Variants in SLC12A9 observed in about 807,000 individuals in gnomAD.
SLC12A9 encodes CCC-interacting protein 1.
In SLC12A9, 55 loss-of-function variants were observed where a neutral mutation model predicts 66.0. That is an observed-to-expected ratio of 0.83 (90% CI 0.67 to 1.04). SLC12A9 has a LOEUF of 1.04. Ranked by LOEUF, SLC12A9 falls within the 50% of genes least tolerant of loss-of-function variation. The pLI, the probability that SLC12A9 is intolerant of heterozygous loss-of-function variation, is 0.00. For synonymous variants in SLC12A9, 577 were observed against 569.0 expected (o/e 1.01, Z -0.20); for missense variants, 1,061 against 1,241.9 (o/e 0.85, Z 2.19).
chr7:100,828,989 ATTTTTTT>A (rs1310421012), intron 1 of SLC12A9, among the ~76,000 whole-genome samples: 1 of 142,618 alleles, frequency 7.0e-6, no homozygotes, highest in African/African-American at 2.6e-5. Flanking sequence ...GCGGGGACAG[ATTTTTTT>A]TTTTTTTTTG....
Position 100,839,323 on chromosome 7 carries a change from CA to C in SLC12A9, n.228+12288del, listed in dbSNP as rs112380979. On this transcript the variant is annotated intron_variant and non_coding_transcript_variant, in intron 1 of 1. Transcript: ENST00000461016. Reference sequence around the variant, plus strand: ...TGGGCGACAGAGTGAGACTCCGTCTCAAAAAAAAAAAAGACAGGAATTGCTC... The same window carrying C: ...TGGGCGACAGAGTGAGACTCCGTCTCAAAAAAAAAAAGACAGGAATTGCTC... Among the ~76,000 whole-genome samples, 149 of 139,776 alleles carry C rather than the reference CA, an allele frequency of 1.1e-3. 1 individual carries two copies. The highest frequency in any genetic ancestry group is 7.4e-4 in the Non-Finnish European group (47 of 63,738). 91.7% of individuals were successfully genotyped at this position (139,776 alleles called of 152,430 possible). A position where few individuals can be genotyped will look rare whatever the true frequency, so the allele number is the denominator to read the frequency against.
In SLC12A9 at chr7:100,854,342, C is replaced by A. The variant is rs1349694183; in HGVS notation, c.145C>A (p.Leu49Met). The A allele has an allele frequency of 6.2e-7, 1 of 1,613,394 alleles. No homozygotes were observed. Among genetic ancestry groups the A allele is most frequent in the African/African-American group, 1.3e-5 (1 of 74,844 alleles). ...TFLGVVVPTV[L>M]SMFSIVVFLR... ...CCTGGGTGTGGTGGTGCCCACTGTC[C>A]TGTCCATGTTCAGCATAGTTGTTTT... The change falls in exon 2 of 14, where the codon CTG becomes ATG. Residue 49 changes from leucine to methionine, a missense_variant. Leu to Met is a conservative substitution (Grantham distance 15). Transcript: ENST00000354161.
In SLC12A9 at chr7:100,831,618, G is replaced by A. The variant is rs1033047791; in HGVS notation, n.228+4571G>A. 3.9e-5 allele frequency among the ~76,000 whole-genome samples: 6 copies of A among 152,310 alleles called. 1 individual carries two copies. The East Asian group carries it at 7.7e-4, about 20-fold the overall frequency. On this transcript the variant is annotated intron_variant and non_coding_transcript_variant, in intron 1 of 1. Transcript: ENST00000461016. ...GCCTCCTGAGGAGCTGGGACCCCGC[G>A]CGGGGACCATGCCCGGCTAATAAGT... is the stretch of plus-strand genomic sequence containing the variant.
At chr7:100,854,587 C>A in intron 2 of SLC12A9, 33 bp from the exon 3 acceptor site, 2 of 1,612,930 alleles carry the variant, frequency 1.2e-6, no homozygotes, top group Non-Finnish European at 8.5e-7. Flanking sequence ...GGGTGTGAGT[C>A]CCCTGTGACC....
chr7:100,840,671 CAG>C (rs923891630), intron 1 of SLC12A9, among the ~76,000 whole-genome samples: 1 of 149,258 alleles, frequency 6.7e-6, no homozygotes, highest in African/African-American at 2.5e-5. Flanking sequence ...GAAAGAAATG[CAG>C]AGAGAGAGAA....
intron 7 of SLC12A9, 65 bp downstream of exon 7, chr7:100,859,226 AAC>A (rs1814592387): frequency 3.4e-6 from 5 of 1,470,762 alleles, no homozygotes; most frequent in East Asian, 2.3e-5. Context: ...ACCAAGGGGA[AAC>A]ACAGGCTGGG....
intron 1 of SLC12A9, chr7:100,827,456 G>C (rs937470421): frequency 6.6e-6 from 1 of 150,998 alleles, no homozygotes; most frequent in African/African-American, 2.4e-5. Context: ...GACGGAGCGG[G>C]AGGGAGGGAG....
At chr7:100,833,412 T>C (rs1584675333) in intron 1 of SLC12A9, among the ~76,000 whole-genome samples, 1 of 151,980 alleles carries the variant, frequency 6.6e-6, no homozygotes, top group East Asian at 1.9e-4. Flanking sequence ...GAGGTTGCAG[T>C]GAGCCAAGAT....
Position 100,866,296 on chromosome 7 carries a change from C to G in SLC12A9, c.2436C>G (p.Pro812=), listed in dbSNP as rs775260808. ...GCGAGGGGGCCGGGGCTGGGGAACCCGAGGCGGAGGAGGAAGGGGACTTTG... is the reference window on the plus strand; with the variant it reads ...GCGAGGGGGCCGGGGCTGGGGAACCGGAGGCGGAGGAGGAAGGGGACTTTG... ...VWGEGAGAGE[P]EAEEEGDFVN... The change falls in exon 14 of 14, where the codon CCC becomes CCG. Residue 812 remains proline (P), a synonymous_variant. Transcript: ENST00000354161. The surrounding 1 kb of genome is among the most constrained non-coding windows in gnomAD (Gnocchi z 7.3). The G allele has an allele frequency of 4.7e-5, 71 of 1,521,622 alleles. No individual in the cohort carries two copies. Among genetic ancestry groups the G allele is most frequent in the Non-Finnish European group, 5.7e-5 (65 of 1,132,760 alleles). The allele number at this position is 1,521,622 out of a possible 1,614,324, so 94.3% of individuals were successfully genotyped here.
chr7:100,860,804 T>G, intron 9 of SLC12A9: 2 of 423,216 alleles, frequency 4.7e-6, no homozygotes, highest in Non-Finnish European at 9.0e-6. Context: ...CTTTGCATGG[T>G]TCACTGGTAC....
At chr7:100,839,569 T>A (rs1813738013) in intron 1 of SLC12A9, among the ~76,000 whole-genome samples, 1 of 152,198 alleles carries the variant, frequency 6.6e-6, no homozygotes, top group South Asian at 2.1e-4. Flanking sequence ...CGACTCTAAC[T>A]AGCCCGGGCG....
At position 100,866,359 on chromosome 7, in the gene SLC12A9, GGCACGCA is replaced by G; in HGVS notation, c.2502_2508del (p.Arg835ProfsTer57). ...GGGGAGACGCAGAGGCAGAGGCCCTGGCACGCAGCGCCAACGCCCTGGTTCGGGCCCA... is the reference window on the plus strand; with the variant it reads ...GGGGAGACGCAGAGGCAGAGGCCCTGGCGCCAACGCCCTGGTTCGGGCCCA... On this transcript the variant is annotated frameshift_variant, in exon 14 of 14. Transcript: ENST00000354161. LOFTEE classifies it high-confidence loss of function. This position sits in a 1 kb window ranked among gnomAD's most constrained non-coding sequence, Gnocchi z 7.3. 1 of 1,513,108 alleles carries G rather than the reference GGCACGCA, an allele frequency of 6.6e-7. No homozygotes were observed. Among genetic ancestry groups the G allele is most frequent in the Non-Finnish European group, 8.9e-7 (1 of 1,127,232 alleles). 93.7% of individuals were successfully genotyped at this position (1,513,108 alleles called of 1,614,324 possible). A position where few individuals can be genotyped will look rare whatever the true frequency, so the allele number is the denominator to read the frequency against.
intron 1 of SLC12A9, among the ~76,000 whole-genome samples, chr7:100,846,585 C>A (rs1163973163): frequency 6.6e-6 from 1 of 151,418 alleles, no homozygotes; most frequent in Non-Finnish European, 1.5e-5. Flanking sequence ...AAAAAAGCTT[C>A]ATCGCTACCT....
chr7:100,859,672 C>T (rs1444300195), intron 7 of SLC12A9: 1 of 591,504 alleles, frequency 1.7e-6, no homozygotes, highest in Admixed American at 3.1e-5. Context: ...GATTACAGCA[C>T]TGCACTTTAG....
chr7:100,865,532 G>A, intron 13 of SLC12A9, 187 bp from the exon 14 acceptor site: 1 of 1,559,698 alleles, frequency 6.4e-7, no homozygotes, highest in Non-Finnish European at 8.7e-7. Context: ...AAATGCATGT[G>A]AAAGTGTTTA....
upstream of SLC12A9, among the ~76,000 whole-genome samples, chr7:100,851,145 C>CT (rs1444282097): frequency 1.3e-5 from 2 of 151,938 alleles, no homozygotes; most frequent in African/African-American, 4.8e-5. Context: ...GCGTGACCCA[C>CT]TGCACCCAGC....
chr7:100,835,714 A>G lies in SLC12A9; in HGVS notation n.228+8667A>G, dbSNP rs192217259. Among the ~76,000 whole-genome samples the G allele has an allele frequency of 6.1e-4, 93 of 152,210 alleles. 2 individuals are homozygous for G. In the South Asian group the frequency reaches 0.011, roughly 17 times the overall value. On this transcript the variant is annotated intron_variant and non_coding_transcript_variant, in intron 1 of 1. Coordinates refer to the SLC12A9 transcript ENST00000461016. ...AAAAGAGTGTGATTGACCCTTTAAC[A>G]TTTCATGCAGACTTTCCCATCCTGC... is the stretch of plus-strand genomic sequence containing the variant.
intron 1 of SLC12A9, among the ~76,000 whole-genome samples, chr7:100,830,510 A>G (rs1044546798): frequency 1.3e-5 from 2 of 151,900 alleles, no homozygotes; most frequent in Non-Finnish European, 2.9e-5. Flanking sequence ...CCTGTCTACA[A>G]AAAAAGAAAG....
intron 12 of SLC12A9, 144 bp from the exon 13 acceptor site, chr7:100,862,537 C>A: frequency 2.0e-6 from 2 of 976,946 alleles, no homozygotes; most frequent in Non-Finnish European, 3.0e-6. Flanking sequence ...TGAGCCCCGA[C>A]ACCAGCCCCT....
Sources: gnomAD v4.1 joint callset for allele counts (sites outside exome capture counted in the v4.1 genomes callset) on GRCh38, gnomAD v4.1.1 for gene constraint, Gnocchi (gnomAD v3.1) non-coding constraint, MANE v1.5 for transcripts, NCBI Gene and HGNC (gene_info 2026-07-23, HGNC 2026-07-21) for gene names.